Variants in MUC5B observed in about 807,000 individuals in gnomAD.
MUC5B encodes the protein mucin-5B.
MUC5B carries 116 observed loss-of-function variants against 376.9 expected under a neutral mutation model. That is an observed-to-expected ratio of 0.31 (90% CI 0.26 to 0.36). The LOEUF is 0.36. Ranked by LOEUF, MUC5B falls within the 10% of genes least tolerant of loss-of-function variation. The probability of loss-of-function intolerance (pLI) is 1.00; values close to 1 mark genes in which losing one functional copy is unlikely to be tolerated. For synonymous variants in MUC5B, 3,517 were observed against 3,390.9 expected (o/e 1.04, Z -1.29); for missense variants, 7,165 against 7,769.9 (o/e 0.92, Z 2.93).
Position 1,245,439 on chromosome 11 carries a change from G to C in MUC5B, c.8559G>C (p.Leu2853=). ...ATPSKTRTST[L]LPSSPTSAPI... is the part of the protein sequence containing the mutation. ...CCAGCAAGACCCGCACCTCGACCCT[G>C]CTGCCCAGCAGCCCCACATCGGCCC... Residue 2853 remains leucine, a synonymous_variant, in exon 31 of 49, where the codon CTG becomes CTC. Transcript: ENST00000529681. 6.4e-7 allele frequency: 1 copy of C among 1,552,118 alleles called. No homozygotes were observed. Among genetic ancestry groups the C allele is most frequent in the Non-Finnish European group, 8.7e-7 (1 of 1,147,068 alleles).
intron 30 of MUC5B, 88 bp from the exon 31 acceptor site, chr11:1,240,763 G>A: frequency 7.9e-7 from 1 of 1,264,696 alleles, no homozygotes; most frequent in South Asian, 1.5e-5. Flanking sequence ...GGCCAGCCCT[G>A]GGGAAAGGGT....
chr11:1,224,592 G>T (rs1015035835), intron 1 of MUC5B, among the ~76,000 whole-genome samples: 3 of 150,786 alleles, frequency 2.0e-5, no homozygotes, highest in African/African-American at 7.3e-5. Context: ...CTGCTGGGGT[G>T]GGGAGGGGCT....
intron 11 of MUC5B, 42 bp from the exon 12 acceptor site, chr11:1,230,448 C>A: frequency 6.6e-7 from 1 of 1,516,570 alleles, no homozygotes; most frequent in Non-Finnish European, 8.9e-7. Context: ...CACCCCACAT[C>A]ATCGAGCCAG....
intron 26 of MUC5B, 98 bp from the exon 27 acceptor site, chr11:1,239,340 T>G: frequency 6.8e-7 from 1 of 1,469,504 alleles, no homozygotes; most frequent in Non-Finnish European, 9.1e-7. Flanking sequence ...GGTCTGGCTC[T>G]GGGGACACCG....
At chr11:1,227,498 A>G (rs1861915390) in intron 6 of MUC5B, 100 bp downstream of exon 6, 1 of 944,286 alleles carries the variant, frequency 1.1e-6, no homozygotes, top group Non-Finnish European at 1.7e-6. Context: ...GGGACCGGGC[A>G]CCAGGCAGGG....
At chr11:1,233,767 C>G (rs1195595472) in intron 18 of MUC5B, 26 bp from the exon 19 acceptor site, 18 of 1,592,890 alleles carry the variant, frequency 1.1e-5, no homozygotes, top group Non-Finnish European at 1.5e-5. Context: ...GCCGCAGATC[C>G]AGGCTGTGCC....
chr11:1,241,698 T>A lies in MUC5B; in HGVS notation c.4818T>A (p.Arg1606=). 2 of 1,612,224 alleles carry A rather than the reference T, an allele frequency of 1.2e-6. No individual in the cohort carries two copies. The highest frequency in any genetic ancestry group is 1.7e-6 in the Non-Finnish European group (2 of 1,179,638). The change falls in exon 31 of 49, where the codon CGT becomes CGA. Residue 1606 remains arginine, a synonymous_variant. Coordinates refer to ENST00000529681, the MANE Select transcript of MUC5B (RefSeq NM_002458.3). ...GCAGTGACGACCACTGCAGGGGACGTGCCACAACCCCGCCACCGACCACAG... is the reference window on the plus strand; with the variant it reads ...GCAGTGACGACCACTGCAGGGGACGAGCCACAACCCCGCCACCGACCACAG... ...LCCSDDHCRG[R]ATTPPPTTEL...
rs1241372270 is a variant in MUC5B, at chr11:1,232,070, G to T, written c.1753G>T (p.Ala585Ser). The T allele has an allele frequency of 6.2e-7, 1 of 1,612,772 alleles. No homozygotes were observed. Among genetic ancestry groups the T allele is most frequent in the Admixed American group, 1.7e-5 (1 of 60,000 alleles). ...ALSGVVEATG[A>S]AFANTWKAQA... ...CAGCGGGGTGGTGGAGGCCACGGGC[G>T]CAGCCTTCGCCAACACCTGGAAGGC... The change falls in exon 15 of 49, where the codon GCA becomes TCA. Residue 585 changes from alanine (A) to serine (S), a missense_variant. This residue lies in a region of MUC5B where 18 missense variants were observed against 54.5 expected (regional missense o/e 0.33). Transcript: ENST00000529681.
In MUC5B at chr11:1,232,054, G is replaced by T; in HGVS notation, c.1737G>T (p.Val579=). ...QADDFTALSG[V]VEATGAAFAN... is the part of the protein sequence containing the mutation. Reference sequence around the variant, plus strand: ...ACGACTTCACGGCCCTCAGCGGGGTGGTGGAGGCCACGGGCGCAGCCTTCG... The same window carrying T: ...ACGACTTCACGGCCCTCAGCGGGGTTGTGGAGGCCACGGGCGCAGCCTTCG... Residue 579 remains valine (V), a synonymous_variant, in exon 15 of 49, where the codon GTG becomes GTT. Coordinates refer to ENST00000529681, the MANE Select transcript of MUC5B (RefSeq NM_002458.3). 6.2e-7 allele frequency: 1 copy of T among 1,612,826 alleles called. No homozygotes were observed. The highest frequency in any genetic ancestry group is 8.5e-7 in the Non-Finnish European group (1 of 1,179,824).
At position 1,248,015 on chromosome 11, in the gene MUC5B, C is replaced by G. The variant is rs768796024; in HGVS notation, c.11135C>G (p.Pro3712Arg). 21 of 1,593,500 alleles carry G rather than the reference C, an allele frequency of 1.3e-5. No individual in the cohort carries two copies. In the African/African-American group the frequency reaches 2.4e-4, roughly 18 times the overall value. ...GAGTCCACTGGATCCACGGCCACCC[C>G]GTCCTCCACCCCAGGGACCACCTGG... The part of the protein sequence containing the change: ...TTESTGSTAT[P>R]SSTPGTTWIL... Residue 3712 changes from proline to arginine, a missense_variant, in exon 31 of 49, where the codon CCG (proline) becomes CGG (arginine). Around this residue, in one of 31 missense-constraint regions of MUC5B, gnomAD observed 90 missense variants for 71.1 expected, o/e 1.27. Coordinates refer to ENST00000529681, the MANE Select transcript of MUC5B (RefSeq NM_002458.3).
At position 1,257,138 on chromosome 11, in the gene MUC5B, G is replaced by A. The variant is rs898689468; in HGVS notation, c.16238-102G>A. On this transcript the variant is annotated intron_variant, in intron 39 of 48. Transcript: ENST00000529681. The surrounding 1 kb of genome is among the most constrained non-coding windows in gnomAD (Gnocchi z 8.9). Reference sequence around the variant, plus strand: ...AAAGTTCTCCAGGGCCTTCCATCCCGGGGGGAAGCAGGCTCCAGGCCTGAG... The same window carrying A: ...AAAGTTCTCCAGGGCCTTCCATCCCAGGGGGAAGCAGGCTCCAGGCCTGAG... The A allele has an allele frequency of 9.2e-5, 70 of 757,736 alleles. No individual in the cohort carries two copies. The highest frequency in any genetic ancestry group is 3.2e-4 in the Admixed American group (18 of 56,210). 46.9% of individuals were successfully genotyped at this position (757,736 alleles called of 1,614,324 possible). A position where few individuals can be genotyped will look rare whatever the true frequency, so the allele number is the denominator to read the frequency against.
In MUC5B at chr11:1,253,090, GA is replaced by G; in HGVS notation, c.15217+112del. ...GTGGGGCACAGTGGGGTGCAGTGGG[GA>G]ATGGTGGGGCATGGTGGGGCATGGT... On this transcript the variant is annotated intron_variant, in intron 33 of 48. Coordinates refer to ENST00000529681, the MANE Select transcript of MUC5B (RefSeq NM_002458.3). This position sits in a 1 kb window ranked among gnomAD's most constrained non-coding sequence, Gnocchi z 4.3. 5 of 858,236 alleles carry G rather than the reference GA, an allele frequency of 5.8e-6. No individual in the cohort carries two copies. Among genetic ancestry groups the G allele is most frequent in the Non-Finnish European group, 8.4e-6 (5 of 595,324 alleles). The allele number at this position is 858,236 out of a possible 1,614,324, so 53.2% of individuals were successfully genotyped here.
At position 1,248,459 on chromosome 11, in the gene MUC5B, C is replaced by T. The variant is rs747588968; in HGVS notation, c.11579C>T (p.Ala3860Val). 2 of 1,610,774 alleles carry T rather than the reference C, an allele frequency of 1.2e-6. No homozygotes were observed. The highest frequency in any genetic ancestry group is 2.2e-5 in the East Asian group (1 of 44,842). Residue 3860 changes from alanine to valine, a missense_variant, in exon 31 of 49, where the codon GCT becomes GTT. By Grantham distance (64) the Ala-to-Val change is moderately conservative. Transcript: ENST00000529681. ...ACCCCCTCTTCCACCCCAGGAACAG[C>T]TCACACTACCAAAGTGCCGACTACC... ...VATPSSTPGT[A>V]HTTKVPTTTT...
rs7116614 is a variant in MUC5B at position 1,234,543 on chromosome 11, C to T, written c.2493C>T (p.Cys831=). The T allele has an allele frequency of 0.31, 489,387 of 1,579,296 alleles. 78,307 individuals are homozygous for T. Among genetic ancestry groups the T allele is most frequent in the East Asian group, 0.59 (25,343 of 42,792 alleles). The change falls in exon 21 of 49, where the codon TGC becomes TGT. Residue 831 remains cysteine, a synonymous_variant. Transcript: ENST00000529681. The surrounding 1 kb of genome is among the most constrained non-coding windows in gnomAD (Gnocchi z 6.3). ...GGGCCCCACAGTTCAGCACACACTG[C>T]GTGTCCGGCTGTGTCTGTCCCCCGG... The part of the protein sequence containing the change: ...TLDVGCFSTH[C]VSGCVCPPGL...
intron 31 of MUC5B, 51 bp downstream of exon 31, chr11:1,251,794 A>G: frequency 7.6e-7 from 1 of 1,318,446 alleles, no homozygotes; most frequent in Non-Finnish European, 1.1e-6. Flanking sequence ...ATGCTATGCC[A>G]ACCTGGGTCT....
intron 7 of MUC5B, 142 bp from the exon 8 acceptor site, chr11:1,228,422 G>T: frequency 1.3e-6 from 1 of 744,630 alleles, no homozygotes; most frequent in Non-Finnish European, 2.1e-6. Flanking sequence ...TGGCCACAGT[G>T]GGTGGAAGGG....
Position 1,240,232 on chromosome 11 carries a change from A to G in MUC5B, c.3827A>G (p.Asn1276Ser). Reference protein sequence around the residue: ...RTYSYQDVIYNTTDGLGACLI... With the variant: ...RTYSYQDVIYSTTDGLGACLI... ...TACAGCTACCAGGACGTCATCTACA[A>G]CACCACCGATGGGCTTGGCGCCTGC... The change falls in exon 30 of 49, where the codon AAC (asparagine) becomes AGC (serine). Residue 1276 changes from asparagine to serine, a missense_variant. Coordinates refer to ENST00000529681, the MANE Select transcript of MUC5B (RefSeq NM_002458.3). 2.5e-6 allele frequency: 4 copies of G among 1,613,362 alleles called. No individual in the cohort carries two copies. The highest frequency in any genetic ancestry group is 3.4e-6 in the Non-Finnish European group (4 of 1,179,506).
rs1323561803 is a variant in MUC5B, at chr11:1,247,451, C to A, written c.10571C>A (p.Ser3524Tyr). 3 of 1,609,656 alleles carry A rather than the reference C, an allele frequency of 1.9e-6. No individual in the cohort carries two copies. The highest frequency in any genetic ancestry group is 3.3e-5 in the Admixed American group (2 of 59,936). ...AGCAGGACCACCGAGTCACCCCCTT[C>A]TCCAGGGACGACCACCCCGGGCCAC... ...PSSRTTESPP[S>Y]PGTTTPGHTR... Residue 3524 changes from serine (S) to tyrosine (Y), a missense_variant, in exon 31 of 49, where the codon TCT becomes TAT. By Grantham distance (144) the Ser-to-Tyr change is moderately radical (BLOSUM62 -2). Around this residue, in one of 31 missense-constraint regions of MUC5B, gnomAD observed 939 missense variants for 770.6 expected, o/e 1.22. Transcript: ENST00000529681.
chr11:1,248,509 C>A lies in MUC5B; in HGVS notation c.11629C>A (p.Pro3877Thr). The stretch of plus-strand genomic sequence containing the variant: ...CACAACCACGGGCTTCACAGTCACC[C>A]CCTCCTCCAGCCCAGGGACGGCACG... ...TTTTTGFTVT[P>T]SSSPGTARTP... Residue 3877 changes from proline (P) to threonine (T), a missense_variant, in exon 31 of 49, where the codon CCC becomes ACC. Physicochemically the swap from Pro to Thr is conservative, Grantham distance 38. Coordinates refer to ENST00000529681, the MANE Select transcript of MUC5B (RefSeq NM_002458.3). 6.2e-7 allele frequency: 1 copy of A among 1,612,630 alleles called. No homozygotes were observed. Among genetic ancestry groups the A allele is most frequent in the African/African-American group, 1.3e-5 (1 of 74,808 alleles).
Sources: gnomAD v4.1 joint callset for allele counts (sites outside exome capture counted in the v4.1 genomes callset) on GRCh38, gnomAD v4.1.1 for gene constraint, gnomAD v4.1.1 regional missense constraint, Gnocchi (gnomAD v3.1) non-coding constraint, MANE v1.5 for transcripts, NCBI Gene and HGNC (gene_info 2026-07-23, HGNC 2026-07-21) for gene names.